Variants in LRCH3 observed in about 807,000 individuals in gnomAD.
LRCH3 encodes the protein DISP complex protein LRCH3.
Under a neutral mutation model 104.5 loss-of-function variants are expected in LRCH3, and 68 were observed. That is an observed-to-expected ratio of 0.65 (90% CI 0.54 to 0.80). The LOEUF (loss-of-function observed/expected upper bound fraction) is 0.80, where lower values mean the gene tolerates loss of function less well. LRCH3 is among the 30% of genes least tolerant of loss of function. LRCH3 has a pLI of 0.00. For missense variants in LRCH3, 951 were observed against 953.9 expected, an observed-to-expected ratio of 1.00 and a Z score of 0.04; for synonymous variants, 344 against 361.3, an observed-to-expected ratio of 0.95 and a Z score of 0.54.
chr3:197,842,288 C>G (rs376418365), intron 10 of LRCH3, among the ~76,000 whole-genome samples: 1 of 152,104 alleles, frequency 6.6e-6, no homozygotes, highest in East Asian at 1.9e-4. Flanking sequence ...GTGCCAAGTT[C>G]CTTTCCAGAT....
intron 15 of LRCH3, among the ~76,000 whole-genome samples, chr3:197,865,203 G>A (rs900332488): frequency 1.3e-5 from 2 of 152,082 alleles, no homozygotes; most frequent in African/African-American, 4.8e-5. Flanking sequence ...TGCCTAGGCT[G>A]GTCTCAACTC....
intron 17 of LRCH3, 68 bp downstream of exon 17, chr3:197,866,287 G>T: frequency 9.0e-7 from 1 of 1,107,660 alleles, no homozygotes; most frequent in Non-Finnish European, 1.4e-6. Context: ...GCTGTTAGAT[G>T]GATGCTTTTA....
At chr3:197,850,773 C>T (rs937573515) in intron 12 of LRCH3, 34 of 1,253,438 alleles carry the variant, frequency 2.7e-5, no homozygotes, top group Admixed American at 6.7e-5. Context: ...ATTGTAACGT[C>T]GGAATGGTAC....
chr3:197,792,013 C>G (rs1038674737), intron 1 of LRCH3, among the ~76,000 whole-genome samples: 83 of 151,634 alleles, frequency 5.5e-4, no homozygotes, highest in African/African-American at 2.0e-3. Flanking sequence ...TGTTGGGGAG[C>G]GTGTGTTTAA....
At chr3:197,816,085 G>A (rs1011137554) in intron 2 of LRCH3, among the ~76,000 whole-genome samples, 1 of 152,000 alleles carries the variant, frequency 6.6e-6, no homozygotes, top group Non-Finnish European at 1.5e-5. Context: ...AGAGAATTTT[G>A]TATGTAAATG....
chr3:197,816,759 G>C (rs944936103), intron 2 of LRCH3, among the ~76,000 whole-genome samples: 1 of 152,010 alleles, frequency 6.6e-6, no homozygotes, highest in Non-Finnish European at 1.5e-5. Context: ...TAATGATGAG[G>C]GAAGTAGATT....
chr3:197,874,236 C>G (rs1712592146), intron 19 of LRCH3, among the ~76,000 whole-genome samples: 1 of 152,132 alleles, frequency 6.6e-6, no homozygotes, highest in African/African-American at 2.4e-5. Context: ...GTGAGCAAAG[C>G]TTCATCTGTA....
intron 1 of LRCH3, among the ~76,000 whole-genome samples, chr3:197,793,937 A>G (rs1312721212): frequency 6.6e-6 from 1 of 152,238 alleles, no homozygotes; most frequent in Non-Finnish European, 1.5e-5. Context: ...TGCCAATGAC[A>G]TCATTTATTG....
intron 10 of LRCH3, among the ~76,000 whole-genome samples, chr3:197,844,463 C>T (rs1316483083): frequency 6.6e-6 from 1 of 152,098 alleles, no homozygotes; most frequent in Non-Finnish European, 1.5e-5. Flanking sequence ...GTCATCATAG[C>T]TCATAAGCAG....
chr3:197,829,548 G>A lies in LRCH3; in HGVS notation c.778-16G>A, dbSNP rs1350778851. The A allele has an allele frequency of 6.4e-7, 1 of 1,558,694 alleles. No homozygotes were observed. The highest frequency in any genetic ancestry group is 1.4e-5 in the African/African-American group (1 of 73,376). ...GATGAGTAATAATTTGGCTACATCT[G>A]TGTGACTTTATTTAGATATGTATAA... On this transcript the variant is annotated splice_polypyrimidine_tract_variant and intron_variant, in intron 5 of 20. Transcript: ENST00000425562.
In LRCH3 at chr3:197,878,796, C is replaced by T. The variant is rs187353646; in HGVS notation, c.2208+3021C>T. 2.0e-5 allele frequency among the ~76,000 whole-genome samples: 3 copies of T among 152,368 alleles called. No homozygotes were observed. In the East Asian group the frequency reaches 5.8e-4, roughly 29 times the overall value. On this transcript the variant is annotated intron_variant, in intron 20 of 20. Transcript: ENST00000425562. ...AAGAAACTTCTACCTCCTCGTCTTC[C>T]TTTTTCTCCTGGTCTCCAGGTCATT...
chr3:197,827,105 A>T (rs1735297367), intron 5 of LRCH3, 91 bp downstream of exon 5: 1 of 1,557,320 alleles, frequency 6.4e-7, no homozygotes, highest in Middle Eastern at 1.8e-4. Context: ...TGGAAGCATC[A>T]GGTAAATCAT....
At chr3:197,835,105 C>T (rs1002045009) in intron 8 of LRCH3, among the ~76,000 whole-genome samples, 1 of 152,120 alleles carries the variant, frequency 6.6e-6, no homozygotes, top group Non-Finnish European at 1.5e-5. Context: ...GATTGCACCA[C>T]TGCACTGCAG....
At chr3:197,880,979 C>T (rs998583116) in intron 20 of LRCH3, 1 of 1,330,948 alleles carries the variant, frequency 7.5e-7, no homozygotes, top group Non-Finnish European at 9.6e-7. Flanking sequence ...GGCCTTGTTT[C>T]TCTTACCATA....
At chr3:197,801,740 T>G (rs1403791945) in intron 1 of LRCH3, among the ~76,000 whole-genome samples, 1 of 152,216 alleles carries the variant, frequency 6.6e-6, no homozygotes, top group African/African-American at 2.4e-5. Context: ...AATAGCAAAT[T>G]ATTACAAATT....
chr3:197,824,283 T>C (rs1734848020), intron 4 of LRCH3, among the ~76,000 whole-genome samples: 1 of 151,568 alleles, frequency 6.6e-6, no homozygotes, highest in South Asian at 2.1e-4. Context: ...CAGGCTGGTC[T>C]CGAACCCCTG....
chr3:197,792,928 A>T (rs1033663307), intron 1 of LRCH3, among the ~76,000 whole-genome samples: 12 of 151,996 alleles, frequency 7.9e-5, no homozygotes, highest in African/African-American at 2.9e-4. Context: ...CTGGGATTAC[A>T]GGCGTGAGCC....
At chr3:197,801,430 A>C (rs1243763816) in intron 1 of LRCH3, among the ~76,000 whole-genome samples, 1 of 152,122 alleles carries the variant, frequency 6.6e-6, no homozygotes, top group Non-Finnish European at 1.5e-5. Context: ...TTCATGTTAT[A>C]CTTTTAAAAA....
At chr3:197,874,859 TTTC>T (rs1712681318) in intron 19 of LRCH3, among the ~76,000 whole-genome samples, 1 of 152,340 alleles carries the variant, frequency 6.6e-6, no homozygotes, top group East Asian at 1.9e-4. Flanking sequence ...CCAGTCACAC[TTTC>T]TTGTTTGCAT....
Sources: gnomAD v4.1 joint callset for allele counts (sites outside exome capture counted in the v4.1 genomes callset) on GRCh38, gnomAD v4.1.1 for gene constraint, MANE v1.5 for transcripts, NCBI Gene and HGNC (gene_info 2026-07-23, HGNC 2026-07-21) for gene names.